CCDC171: variants seen among roughly 807,000 people sequenced by gnomAD.
The protein encoded by CCDC171 is coiled-coil domain-containing protein 171.
CCDC171 carries 177 observed loss-of-function variants against 168.2 expected under a neutral mutation model. The ratio of observed to expected loss-of-function variants is 1.05; its 90% CI spans 0.93 to 1.19. The LOEUF (loss-of-function observed/expected upper bound fraction) is 1.19, where lower values mean the gene tolerates loss of function less well. Among genes scored for constraint, CCDC171 ranks in the 50% most tolerant of loss-of-function variants. CCDC171 has a pLI of 0.00. For missense variants in CCDC171, 1,991 were observed against 1,539.0 expected, an observed-to-expected ratio of 1.29 and a Z score of -4.91; for synonymous variants, 687 against 540.8, an observed-to-expected ratio of 1.27 and a Z score of -3.75.
intron 23 of CCDC171, 116 bp from the exon 24 acceptor site, chr9:15,874,416 G>A (rs1817571743): frequency 1.3e-6 from 1 of 765,768 alleles, no homozygotes; most frequent in South Asian, 3.2e-5. Flanking sequence ...ATTTATTCAT[G>A]GATTTCAGGT....
At chr9:16,097,606 CAAA>C in the CCDC171 span, among the ~76,000 whole-genome samples, 1 of 152,070 alleles carries the variant, frequency 6.6e-6, no homozygotes, top group African/African-American at 2.4e-5. Context: ...CATACTATCT[CAAA>C]AAAGGATGAA....
At position 15,588,256 on chromosome 9, in the gene CCDC171, G is replaced by T. The variant is rs13292229; in HGVS notation, c.353-3110G>T. On this transcript the variant is annotated intron_variant, in intron 4 of 25. Transcript: ENST00000380701. ...TCTCAAAGAATTTAAAAATATGGAA[G>T]CAGTGGGAAGAAGAGGCAAGAAGGA... is the stretch of plus-strand genomic sequence containing the variant. The T allele has an allele frequency of 4.2e-3, 682 of 164,286 alleles. 3 individuals carry two copies. The highest frequency in any genetic ancestry group is 6.9e-3 in the Non-Finnish European group (520 of 74,978). The allele number at this position is 164,286 out of a possible 1,614,324, so 10.2% of individuals were successfully genotyped here.
At position 15,606,607 on chromosome 9, in the gene CCDC171, C is replaced by T. The variant is rs189406433; in HGVS notation, c.675+12435C>T. Among the ~76,000 whole-genome samples the T allele has an allele frequency of 2.3e-3, 349 of 152,264 alleles. 2 individuals carry two copies. Among genetic ancestry groups the T allele is most frequent in the African/African-American group, 8.1e-3 (337 of 41,556 alleles). ...CTAGAAAAGAGGAGTACATTTAACTCTGATACTTTTCTAACTAGTGTAATT... is the reference window on the plus strand; with the variant it reads ...CTAGAAAAGAGGAGTACATTTAACTTTGATACTTTTCTAACTAGTGTAATT... On this transcript the variant is annotated intron_variant, in intron 6 of 25. Transcript: ENST00000380701.
intron 1 of CCDC171, among the ~76,000 whole-genome samples, chr9:15,554,103 T>C (rs913039847): frequency 3.3e-5 from 5 of 151,514 alleles, no homozygotes; most frequent in African/African-American, 1.2e-4. Context: ...CACTGCAAGC[T>C]CCGCCTCCCG....
At chr9:15,930,620 G>T (rs1826396021) in intron 25 of CCDC171, among the ~76,000 whole-genome samples, 1 of 151,542 alleles carries the variant, frequency 6.6e-6, no homozygotes. Context: ...GAGTTAAAAT[G>T]AACTCTACTT....
chr9:15,758,854 G>A (rs1465057398), intron 18 of CCDC171, among the ~76,000 whole-genome samples: 1 of 152,084 alleles, frequency 6.6e-6, no homozygotes, highest in Non-Finnish European at 1.5e-5. Flanking sequence ...TGTGAGATAC[G>A]CCTTTCATCT....
chr9:15,617,231 G>A (rs2044148547), intron 6 of CCDC171, among the ~76,000 whole-genome samples: 1 of 152,172 alleles, frequency 6.6e-6, no homozygotes, highest in Non-Finnish European at 1.5e-5. Context: ...GCCCTTGCTG[G>A]AGAGGTGTTG....
At chr9:15,762,651 A>C (rs2056511195) in intron 18 of CCDC171, among the ~76,000 whole-genome samples, 1 of 152,218 alleles carries the variant, frequency 6.6e-6, no homozygotes, top group Admixed American at 6.5e-5. Context: ...CTTTTAAGCC[A>C]AATGTATTGT....
At chr9:15,822,404 G>A (rs377318316) in intron 21 of CCDC171, among the ~76,000 whole-genome samples, 2 of 151,578 alleles carry the variant, frequency 1.3e-5, no homozygotes. Context: ...GCAACCTACA[G>A]AATGGGAGAA....
chr9:15,858,042 G>A (rs1040094939), intron 23 of CCDC171, among the ~76,000 whole-genome samples: 1 of 151,370 alleles, frequency 6.6e-6, no homozygotes, highest in African/African-American at 2.4e-5. Context: ...TTTTGAGGGG[G>A]AGTCTTACTC....
downstream of CCDC171, among the ~76,000 whole-genome samples, chr9:15,974,273 GAGA>G (rs1203194605): frequency 6.6e-6 from 1 of 152,074 alleles, no homozygotes; most frequent in East Asian, 1.9e-4. Context: ...CCAGCAGGAG[GAGA>G]AGATTTAATG....
intron 24 of CCDC171, among the ~76,000 whole-genome samples, chr9:15,906,475 C>A (rs1436489099): frequency 6.6e-6 from 1 of 152,182 alleles, no homozygotes; most frequent in Non-Finnish European, 1.5e-5. Context: ...TTGGACAACG[C>A]TTCATGCTAA....
intron 6 of CCDC171, among the ~76,000 whole-genome samples, chr9:15,614,780 T>G (rs1401020373): frequency 6.6e-6 from 1 of 152,214 alleles, no homozygotes; most frequent in Non-Finnish European, 1.5e-5. Flanking sequence ...CTAGAAACTT[T>G]GAGTGTCTGG....
rs553313953 is a variant in CCDC171, at chr9:15,907,652, A to G, written c.3601-12618A>G. 3.2e-3 allele frequency among the ~76,000 whole-genome samples: 490 copies of G among 152,370 alleles called. 3 individuals are homozygous for G. The highest frequency in any genetic ancestry group is 5.5e-3 in the Non-Finnish European group (375 of 68,028). On this transcript the variant is annotated intron_variant, in intron 24 of 25. Transcript: ENST00000380701. ...GCAATGGCAACAAAAGCCAAAATTGACAGATGGGATCTAATTAAACTGAAG... is the reference window on the plus strand; with the variant it reads ...GCAATGGCAACAAAAGCCAAAATTGGCAGATGGGATCTAATTAAACTGAAG...
chr9:15,798,495 G>C (rs2058665425), intron 21 of CCDC171, among the ~76,000 whole-genome samples: 1 of 151,790 alleles, frequency 6.6e-6, no homozygotes, highest in African/African-American at 2.4e-5. Flanking sequence ...TTGTTACATA[G>C]GTATACATTT....
chr9:15,584,500 A>T (rs889789886), intron 4 of CCDC171, among the ~76,000 whole-genome samples: 2 of 152,206 alleles, frequency 1.3e-5, no homozygotes, highest in African/African-American at 4.8e-5. Flanking sequence ...ATATGTTCCA[A>T]TGTAATAAAC....
At chr9:15,825,328 G>T (rs1312827288) in intron 21 of CCDC171, among the ~76,000 whole-genome samples, 1 of 152,140 alleles carries the variant, frequency 6.6e-6, no homozygotes, top group African/African-American at 2.4e-5. Flanking sequence ...CTTTGATAAT[G>T]TAGGTAGAAG....
chr9:15,745,797 A>C (rs2055231801), intron 18 of CCDC171, among the ~76,000 whole-genome samples, 166 bp downstream of exon 18: 1 of 152,098 alleles, frequency 6.6e-6, no homozygotes, highest in Non-Finnish European at 1.5e-5. Context: ...TAATGATGTA[A>C]ATTAATATAA....
At chr9:15,905,940 C>T (rs1177434375) in intron 24 of CCDC171, among the ~76,000 whole-genome samples, 1 of 152,140 alleles carries the variant, frequency 6.6e-6, no homozygotes, top group East Asian at 1.9e-4. Context: ...GGATGAATTC[C>T]TGGACACATA....
Sources: gnomAD v4.1 joint callset for allele counts (sites outside exome capture counted in the v4.1 genomes callset) on GRCh38, gnomAD v4.1.1 for gene constraint, MANE v1.5 for transcripts, NCBI Gene and HGNC (gene_info 2026-07-23, HGNC 2026-07-21) for gene names.